PRR5L: variants seen among roughly 807,000 people sequenced by gnomAD.
PRR5L encodes proline-rich protein 5-like.
Under a neutral mutation model 36.4 loss-of-function variants are expected in PRR5L, and 21 were observed. The ratio of observed to expected loss-of-function variants is 0.58; its 90% CI spans 0.41 to 0.83. The LOEUF (loss-of-function observed/expected upper bound fraction) is 0.83, where lower values mean the gene tolerates loss of function less well. Among genes scored for constraint, PRR5L ranks in the 40% least tolerant of loss-of-function variants. PRR5L has a pLI of 0.00. For missense variants in PRR5L, 381 were observed against 473.3 expected, an observed-to-expected ratio of 0.80 and a Z score of 1.81; for synonymous variants, 188 against 197.0, an observed-to-expected ratio of 0.95 and a Z score of 0.38.
At chr11:36,379,389 C>G (rs1857331745) in intron 1 of PRR5L, 1 of 152,094 alleles carries the variant, frequency 6.6e-6, no homozygotes, top group Non-Finnish European at 1.5e-5. Flanking sequence ...AGAGCTAGAC[C>G]CAATACAGAA....
chr11:36,335,537 G>C (rs1200425622), intron 1 of PRR5L, among the ~76,000 whole-genome samples: 1 of 152,136 alleles, frequency 6.6e-6, no homozygotes, highest in Non-Finnish European at 1.5e-5. Flanking sequence ...GTAGAAACAG[G>C]ACTGGTGTGC....
intron 6 of PRR5L, among the ~76,000 whole-genome samples, chr11:36,444,096 A>AAC (rs146239269): frequency 1.1e-4 from 17 of 152,000 alleles, no homozygotes; most frequent in East Asian, 3.9e-4. Context: ...ATATGTTTGA[A>AAC]ACACACACAC....
At chr11:36,355,356 G>A (rs1857014652) in intron 1 of PRR5L, among the ~76,000 whole-genome samples, 1 of 152,248 alleles carries the variant, frequency 6.6e-6, no homozygotes, top group Non-Finnish European at 1.5e-5. Context: ...TACTGAGAAT[G>A]CAATATGTGG....
intron 1 of PRR5L, among the ~76,000 whole-genome samples, chr11:36,382,244 G>T (rs1366854915): frequency 6.6e-6 from 1 of 152,190 alleles, no homozygotes; most frequent in Non-Finnish European, 1.5e-5. Flanking sequence ...TGGTCCTAAC[G>T]GGCATCATGG....
At chr11:36,316,677 G>T (rs547774239) in intron 1 of PRR5L, among the ~76,000 whole-genome samples, 1 of 152,284 alleles carries the variant, frequency 6.6e-6, no homozygotes, top group Admixed American at 6.5e-5. Flanking sequence ...CTCAAGCACT[G>T]ATCTTAGGTT....
chr11:36,365,467 G>A (rs912413303), intron 1 of PRR5L, among the ~76,000 whole-genome samples: 1 of 152,102 alleles, frequency 6.6e-6, no homozygotes, highest in South Asian at 2.1e-4. Flanking sequence ...ATTTCCTTAA[G>A]CTGTTAATAG....
chr11:36,441,386 A>G (rs1288035833), intron 6 of PRR5L, among the ~76,000 whole-genome samples: 1 of 152,270 alleles, frequency 6.6e-6, no homozygotes, highest in Non-Finnish European at 1.5e-5. Flanking sequence ...AGTCTGAAAC[A>G]CAGCAGAGCA....
chr11:36,375,082 A>G (rs1195065201), intron 1 of PRR5L, among the ~76,000 whole-genome samples: 1 of 152,044 alleles, frequency 6.6e-6, no homozygotes, highest in East Asian at 1.9e-4. Context: ...TAAAAATACA[A>G]TAATTAGCCG....
intron 1 of PRR5L, among the ~76,000 whole-genome samples, chr11:36,341,518 A>G (rs551824206): frequency 1.3e-5 from 2 of 152,298 alleles, no homozygotes; most frequent in East Asian, 3.9e-4. Context: ...CACAGGCTTC[A>G]ATTGGAACTA....
At chr11:36,305,475 C>A (rs899236944) in intron 1 of PRR5L, among the ~76,000 whole-genome samples, 3 of 152,068 alleles carry the variant, frequency 2.0e-5, no homozygotes, top group African/African-American at 7.2e-5. Context: ...ATGGTTGTAC[C>A]TATCTGTGAA....
At chr11:36,390,243 G>T (rs931497622) in intron 1 of PRR5L, among the ~76,000 whole-genome samples, 3 of 152,162 alleles carry the variant, frequency 2.0e-5, no homozygotes, top group African/African-American at 4.8e-5. Flanking sequence ...GGGGGTGCAG[G>T]TTTGAACCTG....
chr11:36,320,986 C>T (rs1269266325), intron 1 of PRR5L, among the ~76,000 whole-genome samples: 1 of 152,008 alleles, frequency 6.6e-6, no homozygotes, highest in Non-Finnish European at 1.5e-5. Context: ...GAAAGTTTCT[C>T]CTATTTTTTA....
chr11:36,464,690 CAAAGT>C lies in PRR5L; in HGVS notation c.*1957_*1961del, dbSNP rs1859259995. 6.6e-6 allele frequency: 1 copy of C among 152,040 alleles called. No individual in the cohort carries two copies. Among genetic ancestry groups the C allele is most frequent in the Admixed American group, 6.6e-5 (1 of 15,254 alleles). 9.4% of individuals were successfully genotyped at this position (152,040 alleles called of 1,614,324 possible). ...TGAGACTAGTATTTATTGATCCAGGCAAAGTAATTAATTAATCATGCTTGGGCTTA... is the reference window on the plus strand; with the variant it reads ...TGAGACTAGTATTTATTGATCCAGGCAATTAATTAATCATGCTTGGGCTTA... On this transcript the variant is annotated 3_prime_UTR_variant, in exon 9 of 9. Transcript: ENST00000530639.
chr11:36,347,055 C>A (rs1235290326), intron 1 of PRR5L, among the ~76,000 whole-genome samples: 1 of 152,142 alleles, frequency 6.6e-6, no homozygotes. Context: ...TGTATAATAT[C>A]TTTGAAAAGA....
At position 36,377,964 on chromosome 11, in the gene PRR5L, C is replaced by T. The variant is rs1425936; in HGVS notation, c.-125-23033C>T. On this transcript the variant is annotated intron_variant, in intron 1 of 8. Coordinates refer to ENST00000530639, the MANE Select transcript of PRR5L (RefSeq NM_001160167.2). The surrounding 1 kb of genome is among the most constrained non-coding windows in gnomAD (Gnocchi z 5.1). ...ACCCATGCTAAGGACCAAAGGGATG[C>T]CACCGGCCCAATGTACTGCCTTCAT... Among the ~76,000 whole-genome samples the T allele has an allele frequency of 0.16, 24,358 of 152,150 alleles. 2,409 individuals carry two copies. The highest frequency in any genetic ancestry group is 0.26 in the South Asian group (1,236 of 4,812).
At chr11:36,367,548 C>T (rs1165056468) in intron 1 of PRR5L, among the ~76,000 whole-genome samples, 1 of 152,172 alleles carries the variant, frequency 6.6e-6, no homozygotes, top group African/African-American at 2.4e-5. Flanking sequence ...AAACCTTAGC[C>T]TTTTTCCCCA....
intron 6 of PRR5L, among the ~76,000 whole-genome samples, chr11:36,440,594 G>C (rs115678586): frequency 6.6e-6 from 1 of 152,142 alleles, no homozygotes; most frequent in South Asian, 2.1e-4. Flanking sequence ...GGGGAGCAGC[G>C]CCAAAGAGGA....
intron 4 of PRR5L, among the ~76,000 whole-genome samples, chr11:36,428,921 G>A (rs1192943529): frequency 2.6e-5 from 4 of 151,894 alleles, no homozygotes. Context: ...CTAACCTCAA[G>A]TTTGTGTTTC....
At chr11:36,368,530 C>G (rs1357206942) in intron 1 of PRR5L, among the ~76,000 whole-genome samples, 25 of 152,174 alleles carry the variant, frequency 1.6e-4, no homozygotes, top group Admixed American at 1.6e-3. Context: ...TCTCTAAGAC[C>G]TGGCAGAGAT....
Sources: allele counts gnomAD v4.1 joint callset (sites outside exome capture counted in the v4.1 genomes callset), GRCh38; gene constraint gnomAD v4.1.1; non-coding constraint Gnocchi (gnomAD v3.1); transcripts MANE v1.5; gene names NCBI Gene and HGNC (gene_info 2026-07-23, HGNC 2026-07-21).